GMDS: variants seen among roughly 807,000 people sequenced by gnomAD.
GMDS encodes GDP-mannose 4,6 dehydratase.
In GMDS, 20 loss-of-function variants were observed where a neutral mutation model predicts 49.9. That is an observed-to-expected ratio of 0.40 (90% CI 0.28 to 0.58). The LOEUF (loss-of-function observed/expected upper bound fraction) is 0.58, where lower values mean the gene tolerates loss of function less well. Among genes scored for constraint, GMDS ranks in the 20% least tolerant of loss-of-function variants. GMDS has a pLI of 0.42. For synonymous variants in GMDS, 177 were observed against 178.6 expected, an observed-to-expected ratio of 0.99 and a Z score of 0.07; for missense variants, 362 against 481.4, an observed-to-expected ratio of 0.75 and a Z score of 2.32.
At chr6:1,760,298 C>A (rs1348255522) in intron 7 of GMDS, among the ~76,000 whole-genome samples, 2 of 152,162 alleles carry the variant, frequency 1.3e-5, no homozygotes, top group African/African-American at 2.4e-5. Context: ...GACTTCTGGA[C>A]CACGAGTATA....
chr6:1,967,061 G>A (rs79593808), intron 4 of GMDS, among the ~76,000 whole-genome samples: 3,581 of 152,126 alleles, frequency 0.024, 141 homozygotes, highest in African/African-American at 0.081. Flanking sequence ...CTAGTCTGGC[G>A]TCAGCTGGTC....
intron 4 of GMDS, among the ~76,000 whole-genome samples, chr6:2,098,566 G>A (rs1246546110): frequency 2.0e-5 from 3 of 152,150 alleles, no homozygotes; most frequent in East Asian, 1.9e-4. Flanking sequence ...ATTTTTATAC[G>A]CTTAGTTGAG....
chr6:1,661,197 C>T (rs573964247), intron 9 of GMDS, among the ~76,000 whole-genome samples: 1 of 152,022 alleles, frequency 6.6e-6, no homozygotes, highest in African/African-American at 2.4e-5. Flanking sequence ...CTCACTGATA[C>T]CTTTTTCAAT....
intron 7 of GMDS, among the ~76,000 whole-genome samples, chr6:1,889,517 T>C (rs184262182): frequency 1.7e-4 from 26 of 152,304 alleles, no homozygotes; most frequent in Non-Finnish European, 2.6e-4. Context: ...TACTCTTCCA[T>C]GCAAGGAACT....
intron 4 of GMDS, among the ~76,000 whole-genome samples, chr6:2,080,255 G>A (rs897869737): frequency 3.3e-5 from 5 of 151,764 alleles, no homozygotes; most frequent in African/African-American, 9.7e-5. Flanking sequence ...ATAATTCCCT[G>A]GTATCTCACT....
At chr6:2,199,205 T>C (rs948799399) in intron 1 of GMDS, among the ~76,000 whole-genome samples, 2 of 152,238 alleles carry the variant, frequency 1.3e-5, no homozygotes, top group African/African-American at 2.4e-5. Flanking sequence ...CAATACATGG[T>C]GGTGTTTACT....
chr6:1,898,336 T>C (rs76341696), intron 7 of GMDS, among the ~76,000 whole-genome samples: 2 of 152,216 alleles, frequency 1.3e-5, no homozygotes, highest in East Asian at 1.9e-4. Flanking sequence ...AAAATCAGAA[T>C]TGCAAGATAC....
intron 1 of GMDS, among the ~76,000 whole-genome samples, chr6:2,131,871 C>A (rs1358910991): frequency 6.6e-6 from 1 of 151,616 alleles, no homozygotes; most frequent in African/African-American, 2.4e-5. Context: ...CCCTCCATCC[C>A]ATTCTTGCCA....
At chr6:1,978,998 C>G (rs1042910952) in intron 4 of GMDS, among the ~76,000 whole-genome samples, 1 of 152,096 alleles carries the variant, frequency 6.6e-6, no homozygotes, top group Non-Finnish European at 1.5e-5. Context: ...TAAAAACAAA[C>G]AAACATACAA....
chr6:1,907,660 A>G (rs965520351), intron 7 of GMDS, among the ~76,000 whole-genome samples: 3 of 152,210 alleles, frequency 2.0e-5, no homozygotes, highest in Admixed American at 6.5e-5. Flanking sequence ...AATGTTACGA[A>G]GTCAGTCGGA....
intron 9 of GMDS, among the ~76,000 whole-genome samples, chr6:1,678,183 A>T (rs1405857440): frequency 6.6e-6 from 1 of 152,158 alleles, no homozygotes; most frequent in Non-Finnish European, 1.5e-5. Context: ...TCTCAAGGCG[A>T]AGATCAGGAA....
At chr6:1,782,913 G>A (rs763645038) in intron 7 of GMDS, among the ~76,000 whole-genome samples, 8 of 152,276 alleles carry the variant, frequency 5.3e-5, no homozygotes, top group South Asian at 2.1e-4. Flanking sequence ...CAAAACTTTC[G>A]GAGGCTGAGG....
chr6:1,876,516 TAGAAA>T (rs1353245908), intron 7 of GMDS, among the ~76,000 whole-genome samples: 1 of 152,162 alleles, frequency 6.6e-6, no homozygotes, highest in African/African-American at 2.4e-5. Context: ...CTTTGGCTGG[TAGAAA>T]AGAGAGGAGG....
intron 1 of GMDS, among the ~76,000 whole-genome samples, chr6:2,205,400 T>C (rs935560861): frequency 2.6e-5 from 4 of 152,240 alleles, no homozygotes; most frequent in Non-Finnish European, 5.9e-5. Context: ...TACCATGTCC[T>C]CTAATCCAAA....
rs1176325063 is a variant in GMDS at position 1,852,699 on chromosome 6, A to G, written c.771+77404T>C. 5.4e-5 allele frequency among the ~76,000 whole-genome samples: 8 copies of G among 149,080 alleles called. No homozygotes were observed. The South Asian group carries it at 1.7e-3, about 31-fold the overall frequency. ...CTGGCAATGGTGGAAGGACGGTGGG[A>G]CGTGGGATCCGATTTTTTTTTTTCC... On this transcript the variant is annotated intron_variant, in intron 7 of 10. Transcript: ENST00000380815.
intron 7 of GMDS, among the ~76,000 whole-genome samples, chr6:1,767,276 A>G (rs1272998583): frequency 3.3e-5 from 5 of 152,198 alleles, no homozygotes; most frequent in Non-Finnish European, 7.3e-5. Flanking sequence ...AATTAGTCAC[A>G]GAGGTCCTGT....
chr6:2,144,576 G>A (rs1268868899), intron 1 of GMDS, among the ~76,000 whole-genome samples: 1 of 152,174 alleles, frequency 6.6e-6, no homozygotes, highest in Non-Finnish European at 1.5e-5. Context: ...TTCCTGAAGT[G>A]TAAGGGCCAG....
At chr6:2,211,296 G>A (rs747904766) in intron 1 of GMDS, among the ~76,000 whole-genome samples, 4 of 152,128 alleles carry the variant, frequency 2.6e-5, no homozygotes, top group Non-Finnish European at 5.9e-5. Context: ...CGTACTTGAC[G>A]TCTGGGGCCA....
chr6:2,202,126 G>A (rs1779569871), intron 1 of GMDS, among the ~76,000 whole-genome samples: 1 of 145,518 alleles, frequency 6.9e-6, no homozygotes, highest in Non-Finnish European at 1.5e-5. Context: ...TCTAGGCAGT[G>A]AGGGCAGCAT....
Sources: gnomAD v4.1 joint callset for allele counts (sites outside exome capture counted in the v4.1 genomes callset) on GRCh38, gnomAD v4.1.1 for gene constraint, MANE v1.5 for transcripts, NCBI Gene and HGNC (gene_info 2026-07-23, HGNC 2026-07-21) for gene names.